Variants in IL1RAPL2 observed in about 807,000 individuals in gnomAD.
IL1RAPL2 encodes interleukin 1 receptor accessory protein like 2.
In IL1RAPL2, 3 loss-of-function variants were observed where a neutral mutation model predicts 44.1. The observed-to-expected ratio is 0.07, with a 90% CI of 0.03 to 0.18. The LOEUF (loss-of-function observed/expected upper bound fraction) is 0.18, where lower values mean the gene tolerates loss of function less well. Ranked by LOEUF, IL1RAPL2 falls within the 10% of genes least tolerant of loss-of-function variation. IL1RAPL2 has a pLI of 1.00. For synonymous variants in IL1RAPL2, 181 were observed against 178.8 expected (o/e 1.01, Z -0.10); for missense variants, 391 against 496.4 (o/e 0.79, Z 2.02).
At chrX:105,540,864 TATATAATACATAC>T in intron 6 of IL1RAPL2, among the ~76,000 whole-genome samples, 1 of 81,468 alleles carries the variant, frequency 1.2e-5, no homozygotes, top group African/African-American at 5.1e-5. Flanking sequence ...TTATATATGA[TATATAATACATAC>T]ATATATTATA....
chrX:105,408,316 G>T (rs1253070657), intron 5 of IL1RAPL2, among the ~76,000 whole-genome samples: 1 of 111,228 alleles, frequency 9.0e-6, no homozygotes, highest in Non-Finnish European at 1.9e-5. Flanking sequence ...GGAAGGGCCT[G>T]TACCTCCCTA....
chrX:105,421,547 G>A (rs1243735562), intron 5 of IL1RAPL2, among the ~76,000 whole-genome samples: 1 of 111,317 alleles, frequency 9.0e-6, no homozygotes, highest in Admixed American at 9.6e-5. Flanking sequence ...TTCCTAGATG[G>A]GTAGGTCCTG....
At chrX:104,836,216 T>C (rs1386916405) in intron 2 of IL1RAPL2, among the ~76,000 whole-genome samples, 3 of 110,542 alleles carry the variant, frequency 2.7e-5, no homozygotes, top group Non-Finnish European at 5.7e-5. Flanking sequence ...ATTGAAACAA[T>C]TAAACTCATG....
At chrX:105,002,373 G>A (rs1335619656) in intron 2 of IL1RAPL2, among the ~76,000 whole-genome samples, 1 of 111,045 alleles carries the variant, frequency 9.0e-6, no homozygotes, top group Non-Finnish European at 1.9e-5. Flanking sequence ...TGCCTTGAAA[G>A]CCCATCCATT....
intron 3 of IL1RAPL2, among the ~76,000 whole-genome samples, chrX:105,206,590 G>A (rs1327531495): frequency 1.8e-5 from 2 of 112,180 alleles, no homozygotes; most frequent in Non-Finnish European, 3.8e-5. Context: ...GCTTCTGTGT[G>A]TTTTTAGTTT....
intron 5 of IL1RAPL2, among the ~76,000 whole-genome samples, chrX:105,350,858 A>G (rs1163622525): frequency 1.8e-5 from 2 of 112,076 alleles, no homozygotes; most frequent in Admixed American, 9.5e-5. Context: ...ATGGGAGAAC[A>G]TGTTTTGCAA....
chrX:105,680,612 A>AC (rs1323526001), intron 6 of IL1RAPL2, among the ~76,000 whole-genome samples: 5 of 112,334 alleles, frequency 4.5e-5, no homozygotes, highest in African/African-American at 1.6e-4. Flanking sequence ...GCAAATCACT[A>AC]CATTGCTATG....
intron 2 of IL1RAPL2, among the ~76,000 whole-genome samples, chrX:105,046,683 A>G (rs1000282790): frequency 3.6e-5 from 4 of 111,406 alleles, no homozygotes; most frequent in Admixed American, 9.6e-5. Context: ...CATCAGCATT[A>G]TGTGTAAGTC....
chrX:105,495,013 A>G (rs2036347294), intron 6 of IL1RAPL2, among the ~76,000 whole-genome samples: 1 of 112,203 alleles, frequency 8.9e-6, no homozygotes, highest in Non-Finnish European at 1.9e-5. Context: ...TCACGTCAGA[A>G]AAAAAACTGA....
chrX:105,109,796 AATAAT>A (rs2032782905), intron 2 of IL1RAPL2, among the ~76,000 whole-genome samples: 1 of 112,605 alleles, frequency 8.9e-6, no homozygotes, highest in Non-Finnish European at 1.9e-5. Flanking sequence ...AATTAATGAG[AATAAT>A]ATAAACTATA....
intron 6 of IL1RAPL2, among the ~76,000 whole-genome samples, chrX:105,541,526 G>A (rs898286672): frequency 2.7e-5 from 3 of 111,546 alleles, no homozygotes; most frequent in African/African-American, 9.8e-5. Flanking sequence ...TCTGGACAAA[G>A]TAGTTGGGGC....
intron 6 of IL1RAPL2, among the ~76,000 whole-genome samples, chrX:105,486,401 A>T (rs946675326): frequency 8.9e-6 from 1 of 112,282 alleles, no homozygotes; most frequent in Non-Finnish European, 1.9e-5. Context: ...TAAACATGTT[A>T]TCAAGAGTGG....
intron 2 of IL1RAPL2, among the ~76,000 whole-genome samples, chrX:104,678,226 C>G (rs1000322974): frequency 8.9e-6 from 1 of 112,514 alleles, no homozygotes; most frequent in Non-Finnish European, 1.9e-5. Flanking sequence ...AAGTACCTTC[C>G]TGCAATCTAG....
At chrX:105,313,549 G>T (rs1247564708) in intron 5 of IL1RAPL2, among the ~76,000 whole-genome samples, 1 of 111,422 alleles carries the variant, frequency 9.0e-6, no homozygotes, top group Non-Finnish European at 1.9e-5. Flanking sequence ...CTCCTAAAGA[G>T]ATGCATCTCA....
At chrX:105,119,408 T>C (rs2032896996) in intron 2 of IL1RAPL2, among the ~76,000 whole-genome samples, 1 of 111,064 alleles carries the variant, frequency 9.0e-6, no homozygotes, top group Non-Finnish European at 1.9e-5. Flanking sequence ...TCTCTTGCTC[T>C]CTGTAGCAAC....
At chrX:104,823,765 A>G (rs1055684686) in intron 2 of IL1RAPL2, among the ~76,000 whole-genome samples, 1 of 111,941 alleles carries the variant, frequency 8.9e-6, no homozygotes, top group Non-Finnish European at 1.9e-5. Flanking sequence ...TGAAGTTGCT[A>G]GTCAGCTTAA....
intron 7 of IL1RAPL2, among the ~76,000 whole-genome samples, chrX:105,733,140 C>T (rs191061218): frequency 2.3e-4 from 26 of 111,566 alleles, no homozygotes; most frequent in African/African-American, 8.1e-4. Context: ...CTGAATATCA[C>T]ATTCTAGGTT....
intron 2 of IL1RAPL2, among the ~76,000 whole-genome samples, chrX:104,810,163 A>G (rs1932963483): frequency 9.1e-6 from 1 of 109,793 alleles, no homozygotes; most frequent in Non-Finnish European, 1.9e-5. Flanking sequence ...CTATCACAAG[A>G]ACAAAAAACC....
At chrX:105,659,109 AG>A (rs2037699252) in intron 6 of IL1RAPL2, among the ~76,000 whole-genome samples, 1 of 110,875 alleles carries the variant, frequency 9.0e-6, no homozygotes, top group Non-Finnish European at 1.9e-5. Context: ...CCGGGGCAAC[AG>A]AGTGAGACTC....
Sources: allele counts gnomAD v4.1 joint callset (sites outside exome capture counted in the v4.1 genomes callset), GRCh38; gene constraint gnomAD v4.1.1; transcripts MANE v1.5; gene names NCBI Gene and HGNC (gene_info 2026-07-23, HGNC 2026-07-21).